USP4: variants seen among roughly 807,000 people sequenced by gnomAD.
The protein encoded by USP4 is ubiquitin carboxyl-terminal hydrolase 4.
A neutral mutation model predicts 118.2 loss-of-function variants in USP4; 72 were observed. The observed-to-expected ratio is 0.61, with a 90% CI of 0.50 to 0.74. The LOEUF is 0.74. Ranked by LOEUF, USP4 falls within the 30% of genes least tolerant of loss-of-function variation. The pLI, the probability that USP4 is intolerant of heterozygous loss-of-function variation, is 0.00. For missense variants in USP4, 1,037 were observed against 1,185.7 expected (o/e 0.87, Z 1.84); for synonymous variants, 415 against 440.4 (o/e 0.94, Z 0.72).
At chr3:49,282,608 T>A (rs2047045002) in intron 19 of USP4, among the ~76,000 whole-genome samples, 1 of 151,856 alleles carries the variant, frequency 6.6e-6, no homozygotes, top group Non-Finnish European at 1.5e-5. Context: ...AAATACTTAT[T>A]ATCCATCACC....
chr3:49,280,615 G>T, intron 20 of USP4, 129 bp downstream of exon 20: 14 of 510,262 alleles, frequency 2.7e-5, no homozygotes, highest in Admixed American at 3.8e-5. Flanking sequence ...TCAGTATGAA[G>T]AAAGCGTGCA....
At position 49,280,836 on chromosome 3, in the gene USP4, A is replaced by G. The variant is rs774905683; in HGVS notation, c.2552T>C (p.Met851Thr). The change falls in exon 20 of 22, where the codon ATG becomes ACG. Residue 851 changes from methionine to threonine, a missense_variant. By Grantham distance (81) the Met-to-Thr change is moderately conservative. Around this residue, in one of 3 missense-constraint regions of USP4, gnomAD observed 522 missense variants for 592.6 expected, o/e 0.88. Transcript: ENST00000265560. ...TGACAGGTTACAGACAAACTCGGAC[A>G]TGTTCAGCCCTCTGAGCACAAAACA... ...VVEFPIRGLN[M>T]SEFVCNLSAR... 3.7e-6 allele frequency: 6 copies of G among 1,614,028 alleles called. No homozygotes were observed. The highest frequency in any genetic ancestry group is 2.2e-5 in the East Asian group (1 of 44,890).
At position 49,286,832 on chromosome 3, in the gene USP4, A is replaced by ATCTATCTATCTT. The variant is rs1305671671; in HGVS notation, c.1973-508_1973-507insAAGATAGATAGA. The stretch of plus-strand genomic sequence containing the variant: ...CTCTAGCCACTCTATCTATCTATCT[A>ATCTATCTATCTT]TCTATCTATCTATCTATCTATCTAT... On this transcript the variant is annotated intron_variant, in intron 15 of 21. Coordinates refer to ENST00000265560, the MANE Select transcript of USP4 (RefSeq NM_003363.4). Among the ~76,000 whole-genome samples the ATCTATCTATCTT allele has an allele frequency of 1.9e-4, 28 of 149,776 alleles. No individual in the cohort carries two copies. In the East Asian group the frequency reaches 5.1e-3, roughly 27 times the overall value.
intron 6 of USP4, among the ~76,000 whole-genome samples, chr3:49,321,606 T>C (rs2047502328): frequency 6.6e-6 from 1 of 152,106 alleles, no homozygotes; most frequent in Admixed American, 6.6e-5. Flanking sequence ...TAGCTACGAT[T>C]ACAGGCATGT....
At chr3:49,322,132 G>A (rs1247482981) in intron 6 of USP4, among the ~76,000 whole-genome samples, 2 of 152,152 alleles carry the variant, frequency 1.3e-5, no homozygotes, top group African/African-American at 4.8e-5. Flanking sequence ...CGATTCAGTC[G>A]CAATTCTTCC....
chr3:49,291,253 C>T (rs1484907798), intron 15 of USP4, among the ~76,000 whole-genome samples: 8 of 148,766 alleles, frequency 5.4e-5, no homozygotes, highest in Non-Finnish European at 8.9e-5. Flanking sequence ...TGTGAGTCAC[C>T]GCACCCAGCC....
At chr3:49,325,599 G>T in intron 4 of USP4, 120 bp downstream of exon 4, 1 of 1,442,074 alleles carries the variant, frequency 6.9e-7, no homozygotes, top group Non-Finnish European at 9.4e-7. Context: ...ACTACAGCTC[G>T]AGATGATTTG....
intron 2 of USP4, among the ~76,000 whole-genome samples, chr3:49,332,366 G>A (rs1017364865): frequency 9.9e-5 from 15 of 151,520 alleles, no homozygotes; most frequent in Non-Finnish European, 2.1e-4. Flanking sequence ...GCTGAGGTGG[G>A]AGGATCACTT....
chr3:49,339,258 C>G (rs1432556116), intron 1 of USP4, among the ~76,000 whole-genome samples: 1 of 152,186 alleles, frequency 6.6e-6, no homozygotes, highest in South Asian at 2.1e-4. Flanking sequence ...TCCAGTAGTA[C>G]AAAGTATTGT....
chr3:49,321,685 G>A lies in USP4; in HGVS notation c.695+3017C>T, dbSNP rs976446805. Among the ~76,000 whole-genome samples the A allele has an allele frequency of 3.9e-5, 6 of 152,066 alleles. No individual in the cohort carries two copies. The East Asian group carries it at 1.2e-3, about 29-fold the overall frequency. On this transcript the variant is annotated intron_variant, in intron 6 of 21. Coordinates refer to ENST00000265560, the MANE Select transcript of USP4 (RefSeq NM_003363.4). Reference sequence around the variant, plus strand: ...GGTTTCAGCATGTTGGCCAGCCACCGCACCTGGCCTATTATTGATTTTTTT... The same window carrying A: ...GGTTTCAGCATGTTGGCCAGCCACCACACCTGGCCTATTATTGATTTTTTT...
At chr3:49,311,770 T>A (rs1330594837) in intron 6 of USP4, 116 bp from the exon 7 acceptor site, 3 of 1,437,290 alleles carry the variant, frequency 2.1e-6, no homozygotes, top group Admixed American at 5.3e-5. Context: ...TAAAATAAAT[T>A]ACAAAAAGCC....
At position 49,320,054 on chromosome 3, in the gene USP4, C is replaced by T. The variant is rs551729094; in HGVS notation, c.695+4648G>A. Reference sequence around the variant, plus strand: ...ACCTCAGCCTCCCAAGAAGCTGGAACTGCAGGCACAAGCTACCATGCCCAG... The same window carrying T: ...ACCTCAGCCTCCCAAGAAGCTGGAATTGCAGGCACAAGCTACCATGCCCAG... On this transcript the variant is annotated intron_variant, in intron 6 of 21. Transcript: ENST00000265560. Among the ~76,000 whole-genome samples, 7 of 152,150 alleles carry T rather than the reference C, an allele frequency of 4.6e-5. No homozygotes were observed. In the East Asian group the frequency reaches 1.4e-3, roughly 29 times the overall value.
At position 49,335,580 on chromosome 3, in the gene USP4, G is replaced by T. The variant is rs770368344; in HGVS notation, c.118C>A (p.Arg40=). The T allele has an allele frequency of 6.2e-7, 1 of 1,614,124 alleles. No homozygotes were observed. Among genetic ancestry groups the T allele is most frequent in the Non-Finnish European group, 8.5e-7 (1 of 1,180,026 alleles). The change falls in exon 2 of 22, where the codon CGG becomes AGG. Residue 40 remains arginine, a synonymous_variant. Transcript: ENST00000265560. ...RGAQWYLIDS[R]WFKQWKKYVG... is the part of the protein sequence containing the mutation. ...TACTTCTTCCACTGCTTGAACCACC[G>T]GCTGTCAATAAGATACCTAGAGAGA...
chr3:49,325,481 A>T (rs895393300), intron 4 of USP4, among the ~76,000 whole-genome samples: 5 of 151,840 alleles, frequency 3.3e-5, no homozygotes, highest in Admixed American at 3.3e-4. Context: ...ACTTCTTTGG[A>T]TCTACATTTC....
intron 18 of USP4, 80 bp from the exon 19 acceptor site, chr3:49,284,216 C>T: frequency 2.6e-6 from 4 of 1,556,638 alleles, no homozygotes; most frequent in Admixed American, 3.4e-5. Flanking sequence ...GGCACAGCTG[C>T]AGTCCCCTGA....
intron 9 of USP4, among the ~76,000 whole-genome samples, 165 bp from the exon 10 acceptor site, chr3:49,302,707 G>A (rs1378771234): frequency 6.6e-6 from 1 of 152,184 alleles, no homozygotes; most frequent in Non-Finnish European, 1.5e-5. Context: ...GGAGGCCAGT[G>A]GTTCCCACCA....
At chr3:49,300,014 G>A (rs904577143) in intron 11 of USP4, among the ~76,000 whole-genome samples, 1 of 152,130 alleles carries the variant, frequency 6.6e-6, no homozygotes, top group Admixed American at 6.5e-5. Context: ...GGGAGGCCAA[G>A]ATGGGCAGAT....
At chr3:49,300,074 A>G (rs1281210822) in intron 11 of USP4, among the ~76,000 whole-genome samples, 1 of 151,950 alleles carries the variant, frequency 6.6e-6, no homozygotes, top group Non-Finnish European at 1.5e-5. Context: ...TGTCTCTACT[A>G]TGTCTCTACT....
intron 9 of USP4, among the ~76,000 whole-genome samples, chr3:49,304,749 G>A (rs191889865): frequency 6.6e-6 from 1 of 151,470 alleles, no homozygotes; most frequent in Non-Finnish European, 1.5e-5. Flanking sequence ...ACCATGTCCA[G>A]CTAATTTTGT....
Sources: gnomAD v4.1 joint callset for allele counts (sites outside exome capture counted in the v4.1 genomes callset) on GRCh38, gnomAD v4.1.1 for gene constraint, gnomAD v4.1.1 regional missense constraint, MANE v1.5 for transcripts, NCBI Gene and HGNC (gene_info 2026-07-23, HGNC 2026-07-21) for gene names.